CTNNA2: variants seen among roughly 807,000 people sequenced by gnomAD.
CTNNA2 encodes catenin alpha-2.
A neutral mutation model predicts 101.0 loss-of-function variants in CTNNA2; 42 were observed. The observed-to-expected ratio is 0.42, with a 90% CI of 0.32 to 0.54. The LOEUF (loss-of-function observed/expected upper bound fraction) is 0.54, where lower values mean the gene tolerates loss of function less well. Among genes scored for constraint, CTNNA2 ranks in the 20% least tolerant of loss-of-function variants. CTNNA2 has a pLI of 0.14. For missense variants in CTNNA2, 871 were observed against 1,223.1 expected, an observed-to-expected ratio of 0.71 and a Z score of 4.29; for synonymous variants, 450 against 456.4, an observed-to-expected ratio of 0.99 and a Z score of 0.18.
chr2:80,188,831 A>G (rs151166597), intron 7 of CTNNA2, among the ~76,000 whole-genome samples: 96 of 152,194 alleles, frequency 6.3e-4, no homozygotes, highest in African/African-American at 2.3e-3. Context: ...ATGTAAGGCA[A>G]CACATTTGCA....
chr2:79,598,080 C>G (rs1208159050), intron 1 of CTNNA2, among the ~76,000 whole-genome samples: 1 of 152,198 alleles, frequency 6.6e-6, no homozygotes, highest in Admixed American at 6.5e-5. Context: ...GTATGTAGCC[C>G]TTTCATATTG....
At chr2:80,306,895 G>T (rs1487308745) in intron 7 of CTNNA2, among the ~76,000 whole-genome samples, 1 of 152,090 alleles carries the variant, frequency 6.6e-6, no homozygotes, top group Non-Finnish European at 1.5e-5. Context: ...CACTTGATTT[G>T]TAGAGCTGGT....
In CTNNA2 at chr2:79,890,761, G is replaced by C. The variant is rs867720625; in HGVS notation, c.852+16419G>C. Among the ~76,000 whole-genome samples the C allele has an allele frequency of 6.0e-5, 9 of 149,352 alleles. 1 individual carries two copies. The South Asian group carries it at 1.8e-3, about 30-fold the overall frequency. On this transcript the variant is annotated intron_variant, in intron 6 of 18. Coordinates refer to ENST00000402739, the MANE Select transcript of CTNNA2 (RefSeq NM_001282597.3). ...TCTGTAACAGAATACCTTAGACTGA[G>C]TCATTTATAAACAATGGTAATTTAT...
At chr2:79,353,462 TAA>T (rs1213597509) in intron 3 of CTNNA2, among the ~76,000 whole-genome samples, 1 of 152,196 alleles carries the variant, frequency 6.6e-6, no homozygotes, top group Non-Finnish European at 1.5e-5. Context: ...GTTTTTTGTT[TAA>T]AGTCTGTTTT....
At chr2:79,245,483 T>C (rs1263942837) in intron 2 of CTNNA2, among the ~76,000 whole-genome samples, 2 of 152,136 alleles carry the variant, frequency 1.3e-5, no homozygotes, top group African/African-American at 2.4e-5. Flanking sequence ...TACCAGCATA[T>C]ACTACTTTCT....
chr2:79,466,155 A>G (rs1214876031), intron 4 of CTNNA2, among the ~76,000 whole-genome samples: 1 of 152,196 alleles, frequency 6.6e-6, no homozygotes, highest in Non-Finnish European at 1.5e-5. Flanking sequence ...GCTGTGACAG[A>G]CAGCACCTGG....
chr2:80,180,775 C>A (rs1705728388), intron 7 of CTNNA2, among the ~76,000 whole-genome samples: 1 of 152,196 alleles, frequency 6.6e-6, no homozygotes, highest in Admixed American at 6.5e-5. Flanking sequence ...CCCAATCTCC[C>A]TAAGCCTTTT....
intron 7 of CTNNA2, among the ~76,000 whole-genome samples, chr2:80,234,736 C>T (rs549794501): frequency 8.6e-5 from 13 of 151,344 alleles, no homozygotes; most frequent in East Asian, 1.9e-4. Context: ...TGAAGAAAGA[C>T]GACACAGTAC....
Position 79,744,573 on chromosome 2 carries a change from C to T in CTNNA2, c.289C>T (p.Arg97Cys), listed in dbSNP as rs373818447. The T allele has an allele frequency of 1.9e-5, 30 of 1,613,082 alleles. No individual in the cohort carries two copies. In the African/African-American group the frequency reaches 1.9e-4, roughly 10 times the overall value. The change falls in exon 3 of 19, where the codon CGC becomes TGC. Residue 97 changes from arginine to cysteine, a missense_variant. Physicochemically the swap from Arg to Cys is radical, Grantham distance 180. This residue lies in a region of CTNNA2 where 647 missense variants were observed against 831.5 expected (regional missense o/e 0.78). Coordinates refer to ENST00000402739, the MANE Select transcript of CTNNA2 (RefSeq NM_001282597.3). ...GTTGGTGGCTGCTGTAGAGGATGTG[C>T]GCAAACAAGGTAGGCAGAATGATAT... ...EELVAAVEDV[R>C]KQGETMRIAS...
chr2:80,541,230 A>G (rs1381964075), intron 9 of CTNNA2, among the ~76,000 whole-genome samples: 2 of 152,228 alleles, frequency 1.3e-5, no homozygotes, highest in Non-Finnish European at 2.9e-5. Context: ...CCTTAGCATC[A>G]TATTGGAAAT....
chr2:79,245,405 G>A (rs1438078652), intron 2 of CTNNA2, among the ~76,000 whole-genome samples: 2 of 152,170 alleles, frequency 1.3e-5, no homozygotes, highest in African/African-American at 2.4e-5. Flanking sequence ...AGCTGAGATC[G>A]TGCCACTGCA....
rs1000805726 is a variant in CTNNA2, at chr2:80,382,673, C to T, written c.1057-10538C>T. Among the ~76,000 whole-genome samples the T allele has an allele frequency of 3.3e-5, 5 of 152,306 alleles. No individual in the cohort carries two copies. The East Asian group carries it at 9.7e-4, about 29-fold the overall frequency. ...GCACAGGGAGGTCAAGACTGTGGATCCCCACATAGACATACTTTCCATAAA... is the reference window on the plus strand; with the variant it reads ...GCACAGGGAGGTCAAGACTGTGGATTCCCACATAGACATACTTTCCATAAA... On this transcript the variant is annotated intron_variant, in intron 7 of 18. Coordinates refer to ENST00000402739, the MANE Select transcript of CTNNA2 (RefSeq NM_001282597.3).
At chr2:80,434,746 A>G (rs1681880851) in intron 9 of CTNNA2, among the ~76,000 whole-genome samples, 1 of 151,542 alleles carries the variant, frequency 6.6e-6, no homozygotes, top group Non-Finnish European at 1.5e-5. Flanking sequence ...GAATACTAAC[A>G]CTCATTTAAA....
At chr2:79,909,511 G>A in intron 6 of CTNNA2, 83 bp from the exon 7 acceptor site, 1 of 1,161,154 alleles carries the variant, frequency 8.6e-7, no homozygotes, top group Non-Finnish European at 1.2e-6. Flanking sequence ...TCTTGCCTCA[G>A]ATATTTCTGG....
At chr2:79,268,282 G>A (rs1470490984) in intron 2 of CTNNA2, among the ~76,000 whole-genome samples, 1 of 152,102 alleles carries the variant, frequency 6.6e-6, no homozygotes, top group Non-Finnish European at 1.5e-5. Context: ...GGAATCTCTA[G>A]TCTGCTGGAA....
chr2:79,350,177 T>C (rs1217870664), intron 3 of CTNNA2, among the ~76,000 whole-genome samples: 2 of 152,056 alleles, frequency 1.3e-5, no homozygotes, highest in Non-Finnish European at 2.9e-5. Context: ...TGGAGCTTTG[T>C]TAAATAGATA....
chr2:79,326,037 G>A (rs1676738129), intron 3 of CTNNA2, among the ~76,000 whole-genome samples: 1 of 152,082 alleles, frequency 6.6e-6, no homozygotes, highest in East Asian at 1.9e-4. Context: ...TAAAGCTGTT[G>A]GGTTTTTGTA....
chr2:79,818,821 T>TTATATATATA (rs372924495), intron 3 of CTNNA2, among the ~76,000 whole-genome samples: 18 of 74,256 alleles, frequency 2.4e-4, no homozygotes, highest in African/African-American at 1.2e-3. Flanking sequence ...CAAAATGCAA[T>TTATATATATA]TATATATATA....
At chr2:80,395,367 A>G (rs781643842) in intron 8 of CTNNA2, among the ~76,000 whole-genome samples, 1 of 152,238 alleles carries the variant, frequency 6.6e-6, no homozygotes, top group Admixed American at 6.5e-5. Flanking sequence ...CACTGTATCC[A>G]TGAATTTGGT....
Sources: allele counts gnomAD v4.1 joint callset (sites outside exome capture counted in the v4.1 genomes callset), GRCh38; gene constraint gnomAD v4.1.1; regional missense constraint gnomAD v4.1.1; transcripts MANE v1.5; gene names NCBI Gene and HGNC (gene_info 2026-07-23, HGNC 2026-07-21).